The following MS4A10 variants were observed in gnomAD, a reference collection of about 807,000 sequenced individuals.
The protein encoded by MS4A10 is membrane-spanning 4-domains subfamily A member 10.
MS4A10 carries 27 observed loss-of-function variants against 27.7 expected under a neutral mutation model. That is an observed-to-expected ratio of 0.98 (90% CI 0.72 to 1.35). MS4A10 has a LOEUF of 1.35. MS4A10 is among the 40% of genes most tolerant of loss of function. The probability of loss-of-function intolerance (pLI) is 0.00; values close to 1 mark genes in which losing one functional copy is unlikely to be tolerated. For missense variants in MS4A10, 338 were observed against 324.7 expected (o/e 1.04, Z -0.32); for synonymous variants, 139 against 131.2 (o/e 1.06, Z -0.41).
rs151159886 is a variant in MS4A10, at chr11:60,799,877, G to C, written c.772G>C (p.Gly258Arg). 6.2e-7 allele frequency: 1 copy of C among 1,613,060 alleles called. No homozygotes were observed. The highest frequency in any genetic ancestry group is 1.3e-5 in the African/African-American group (1 of 75,016). ...CCCGGACACATGGATAGTCACTGAC[G>C]GAGCTGCGATCTGGACCCAGACTGC... ...VAPDTWIVTDGAAIWTQTAN is the reference protein window; with the variant it reads ...VAPDTWIVTDRAAIWTQTAN Residue 258 changes from glycine to arginine, a missense_variant, in exon 8 of 8, where the codon GGA becomes CGA. Transcript: ENST00000308287.
chr11:60,789,460 G>A (rs368256248), intron 1 of MS4A10, among the ~76,000 whole-genome samples: 6 of 152,236 alleles, frequency 3.9e-5, no homozygotes, highest in South Asian at 4.1e-4. Context: ...TGCAGGTCGT[G>A]TGTCCAGCCC....
intron 1 of MS4A10, among the ~76,000 whole-genome samples, chr11:60,786,527 A>G (rs996218142): frequency 6.6e-6 from 1 of 151,932 alleles, no homozygotes; most frequent in Non-Finnish European, 1.5e-5. Context: ...GGAGGCAATA[A>G]ACTCACCACT....
rs147310304 is a variant in MS4A10, at chr11:60,798,783, C to G, written c.722+269C>G. On this transcript the variant is annotated intron_variant, in intron 7 of 7. Coordinates refer to ENST00000308287, the MANE Select transcript of MS4A10 (RefSeq NM_206893.4). ...TACCTCAGCTGAACCTGGGCGCAAC[C>G]AGGACCCATCGCCTTCCCTGCCAGC... 2.2e-3 allele frequency among the ~76,000 whole-genome samples: 333 copies of G among 152,354 alleles called. 2 individuals carry two copies. The highest frequency in any genetic ancestry group is 6.7e-3 in the African/African-American group (279 of 41,568).
Position 60,800,032 on chromosome 11 carries a change from C to T in MS4A10, c.*123C>T. ...AAGGCTAGAGCGATGGTCTATACAGCAAAGTCAGCCCTCACAGCTCCTGGG... is the reference window on the plus strand; with the variant it reads ...AAGGCTAGAGCGATGGTCTATACAGTAAAGTCAGCCCTCACAGCTCCTGGG... On this transcript the variant is annotated 3_prime_UTR_variant, in exon 8 of 8. Transcript: ENST00000308287. 2.0e-6 allele frequency: 3 copies of T among 1,467,428 alleles called. No individual in the cohort carries two copies. Among genetic ancestry groups the T allele is most frequent in the South Asian group, 2.6e-5 (2 of 77,910 alleles). 90.9% of individuals were successfully genotyped at this position (1,467,428 alleles called of 1,614,324 possible).
intron 4 of MS4A10, among the ~76,000 whole-genome samples, chr11:60,793,252 A>T (rs999782205): frequency 6.6e-6 from 1 of 152,196 alleles, no homozygotes; most frequent in Non-Finnish European, 1.5e-5. Context: ...CTTGACAAAG[A>T]CGTGCCCATT....
rs1031303470 is a variant in MS4A10, at chr11:60,799,986, A to G, written c.*77A>G. On this transcript the variant is annotated 3_prime_UTR_variant, in exon 8 of 8. Coordinates refer to ENST00000308287, the MANE Select transcript of MS4A10 (RefSeq NM_206893.4). ...TCCCAAAGTTGCACTTTCACTGGGAAGATGAGATTTGCACATACAAAAGGC... is the reference window on the plus strand; with the variant it reads ...TCCCAAAGTTGCACTTTCACTGGGAGGATGAGATTTGCACATACAAAAGGC... 6.2e-7 allele frequency: 1 copy of G among 1,609,664 alleles called. No individual in the cohort carries two copies. The highest frequency in any genetic ancestry group is 1.3e-5 in the African/African-American group (1 of 74,836).
chr11:60,796,338 A>G (rs1324944944), intron 6 of MS4A10, among the ~76,000 whole-genome samples: 1 of 152,168 alleles, frequency 6.6e-6, no homozygotes, highest in Admixed American at 6.5e-5. Context: ...GCTGGAGTAC[A>G]GTGGCACGAT....
At chr11:60,794,301 C>G (rs532162620) in intron 5 of MS4A10, among the ~76,000 whole-genome samples, 198 bp downstream of exon 5, 26 of 152,204 alleles carry the variant, frequency 1.7e-4, no homozygotes, top group Non-Finnish European at 2.8e-4. Flanking sequence ...GTCAGCATCA[C>G]TGAATCCAAG....
chr11:60,797,735 G>A (rs896416188), intron 6 of MS4A10, among the ~76,000 whole-genome samples: 5 of 152,192 alleles, frequency 3.3e-5, no homozygotes, highest in African/African-American at 1.2e-4. Context: ...GGTGTCTTCT[G>A]GGGGCCGTGC....
chr11:60,797,356 A>G (rs665342), intron 6 of MS4A10, among the ~76,000 whole-genome samples: 2,699 of 152,292 alleles, frequency 0.018, 69 homozygotes, highest in African/African-American at 0.061. Context: ...GCTTAAAATG[A>G]CACCTGTATT....
Position 60,795,409 on chromosome 11 carries a change from G to A in MS4A10, c.493-146G>A, listed in dbSNP as rs564934820. 30 of 462,004 alleles carry A rather than the reference G, an allele frequency of 6.5e-5. No homozygotes were observed. In the South Asian group the frequency reaches 1.3e-3, roughly 20 times the overall value. 28.6% of individuals were successfully genotyped at this position (462,004 alleles called of 1,614,324 possible). A position where few individuals can be genotyped will look rare whatever the true frequency, so the allele number is the denominator to read the frequency against. On this transcript the variant is annotated intron_variant, in intron 5 of 7. Coordinates refer to ENST00000308287, the MANE Select transcript of MS4A10 (RefSeq NM_206893.4). ...TCCCCGTCCCACAGAGACCCACCCT[G>A]CCTTCCCCACGCACACCTGGGAGCT...
In MS4A10 at chr11:60,796,044, C is replaced by T. The variant is rs190053610; in HGVS notation, c.603+379C>T. 8.2e-4 allele frequency among the ~76,000 whole-genome samples: 125 copies of T among 152,192 alleles called. 1 individual carries two copies. Among genetic ancestry groups the T allele is most frequent in the Admixed American group, 1.4e-3 (22 of 15,274 alleles). On this transcript the variant is annotated intron_variant, in intron 6 of 7. Coordinates refer to ENST00000308287, the MANE Select transcript of MS4A10 (RefSeq NM_206893.4). Reference sequence around the variant, plus strand: ...GACTTTCAGCAGAGCAAGAAGAGCACGAGCACTGGCTTGGAGACAGGACAG... The same window carrying T: ...GACTTTCAGCAGAGCAAGAAGAGCATGAGCACTGGCTTGGAGACAGGACAG...
Position 60,801,018 on chromosome 11 carries a change from T to G in MS4A10, c.*1109T>G, listed in dbSNP as rs2134762642. Reference sequence around the variant, plus strand: ...CACGTTAGCCATGATGGTCTCAAACTTCTGACCTCATAATCCACCCACCTT... The same window carrying G: ...CACGTTAGCCATGATGGTCTCAAACGTCTGACCTCATAATCCACCCACCTT... On this transcript the variant is annotated 3_prime_UTR_variant, in exon 8 of 8. Transcript: ENST00000308287. 1 of 152,240 alleles carries G rather than the reference T, an allele frequency of 6.6e-6. No homozygotes were observed. Among genetic ancestry groups the G allele is most frequent in the East Asian group, 1.9e-4 (1 of 5,168 alleles). The allele number at this position is 152,240 out of a possible 1,614,324, so 9.4% of individuals were successfully genotyped here.
intron 5 of MS4A10, 44 bp from the exon 6 acceptor site, chr11:60,795,511 C>T (rs747229169): frequency 7.4e-7 from 1 of 1,354,574 alleles, no homozygotes; most frequent in Admixed American, 2.5e-5. Flanking sequence ...CGTGCAGACA[C>T]CCAGCGAGGC....
At chr11:60,792,120 G>A (rs900443571) in intron 3 of MS4A10, 145 bp from the exon 4 acceptor site, 3 of 675,896 alleles carry the variant, frequency 4.4e-6, no homozygotes, top group Non-Finnish European at 5.3e-6. Flanking sequence ...CAGGCAAGAG[G>A]AGCTCACTTT....
chr11:60,790,291 C>T (rs761920654), intron 1 of MS4A10, 23 bp from the exon 2 acceptor site: 22 of 1,598,616 alleles, frequency 1.4e-5, no homozygotes, highest in African/African-American at 2.7e-5. Context: ...CGGGTTCTGA[C>T]GGCCTTCCTC....
At chr11:60,787,888 G>A (rs2134747600) in intron 1 of MS4A10, among the ~76,000 whole-genome samples, 1 of 152,164 alleles carries the variant, frequency 6.6e-6, no homozygotes, top group South Asian at 2.1e-4. Context: ...GTGGTGGCAG[G>A]TGCCTGTAAT....
intron 6 of MS4A10, among the ~76,000 whole-genome samples, chr11:60,798,061 G>A (rs923840280): frequency 6.6e-6 from 1 of 152,224 alleles, no homozygotes; most frequent in Non-Finnish European, 1.5e-5. Flanking sequence ...GTGTATCCTG[G>A]CTAGAAGGGA....
chr11:60,787,231 G>A (rs1353999319), intron 1 of MS4A10, among the ~76,000 whole-genome samples: 1 of 152,116 alleles, frequency 6.6e-6, no homozygotes, highest in Non-Finnish European at 1.5e-5. Flanking sequence ...GTTGGGCGGG[G>A]AAAGGCTAAA....
Sources: gnomAD v4.1 joint callset for allele counts (sites outside exome capture counted in the v4.1 genomes callset) on GRCh38, gnomAD v4.1.1 for gene constraint, MANE v1.5 for transcripts, NCBI Gene and HGNC (gene_info 2026-07-23, HGNC 2026-07-21) for gene names.